Variants in DMTN observed in about 807,000 individuals in gnomAD.
DMTN encodes dematin actin binding protein, also known as dematin.
A neutral mutation model predicts 59.4 loss-of-function variants in DMTN; 27 were observed. That is an observed-to-expected ratio of 0.45 (90% CI 0.33 to 0.63). The LOEUF (loss-of-function observed/expected upper bound fraction) is 0.63, where lower values mean the gene tolerates loss of function less well. Among genes scored for constraint, DMTN ranks in the 20% least tolerant of loss-of-function variants. DMTN has a pLI of 0.02. For synonymous variants in DMTN, 221 were observed against 203.7 expected, an observed-to-expected ratio of 1.08 and a Z score of -0.72; for missense variants, 451 against 528.9, an observed-to-expected ratio of 0.85 and a Z score of 1.45.
At chr8:22,051,777 C>T (rs1426187909), upstream of DMTN, among the ~76,000 whole-genome samples, 5 of 152,140 alleles carry the variant, frequency 3.3e-5, no homozygotes, top group Admixed American at 2.0e-4. Context: ...CCACTCGCTC[C>T]CTACATCATC....
In DMTN at chr8:22,067,526, G is replaced by A; in HGVS notation, c.94-1G>A. 1 of 1,614,170 alleles carries A rather than the reference G, an allele frequency of 6.2e-7. No homozygotes were observed. Among genetic ancestry groups the A allele is most frequent in the Non-Finnish European group, 8.5e-7 (1 of 1,180,030 alleles). ...AGTTTCACGCGCACCTTTCCCTTCAGGCCAAGATGGACAATCAGGTGCTGG... is the reference window on the plus strand; with the variant it reads ...AGTTTCACGCGCACCTTTCCCTTCAAGCCAAGATGGACAATCAGGTGCTGG... On this transcript the variant is annotated splice_acceptor_variant, in intron 3 of 15. Coordinates refer to ENST00000358242, the MANE Select transcript of DMTN (RefSeq NM_001387751.1). LOFTEE classifies it high-confidence loss of function.
chr8:22,081,092 T>TGGG, intron 14 of DMTN, 21 bp from the exon 15 acceptor site: 113 of 1,546,792 alleles, frequency 7.3e-5, no homozygotes, highest in Non-Finnish European at 9.3e-5. Flanking sequence ...AGCCTAAGAT[T>TGGG]GCCCCTCCCC....
At chr8:22,052,260 C>T (rs1334296738), upstream of DMTN, among the ~76,000 whole-genome samples, 8 of 152,190 alleles carry the variant, frequency 5.3e-5, no homozygotes, top group Non-Finnish European at 1.5e-5. Context: ...TAGCAAGTGC[C>T]CCAGATGTAG....
At chr8:22,059,009 C>A (rs141237815) in intron 1 of DMTN, among the ~76,000 whole-genome samples, 1 of 152,046 alleles carries the variant, frequency 6.6e-6, no homozygotes, top group African/African-American at 2.4e-5. Context: ...TGCCCTGCAG[C>A]GCCGCACTGC....
chr8:22,066,911 G>C lies in DMTN; in HGVS notation c.18+18G>C. ...TGCAGAAGGTGCGCGGCGCCGCCCCGGGCCGGGGCCGCCGAGGGCGGGTGG... is the reference window on the plus strand; with the variant it reads ...TGCAGAAGGTGCGCGGCGCCGCCCCCGGCCGGGGCCGCCGAGGGCGGGTGG... On this transcript the variant is annotated intron_variant, in intron 2 of 15. Transcript: ENST00000358242. 2 of 1,248,522 alleles carry C rather than the reference G, an allele frequency of 1.6e-6. No individual in the cohort carries two copies. Among genetic ancestry groups the C allele is most frequent in the Non-Finnish European group, 2.0e-6 (2 of 995,782 alleles). The allele number at this position is 1,248,522 out of a possible 1,614,324, so 77.3% of individuals were successfully genotyped here. A position where few individuals can be genotyped will look rare whatever the true frequency, so the allele number is the denominator to read the frequency against.
Position 22,073,787 on chromosome 8 carries a change from A to G in DMTN, c.787A>G (p.Ile263Val), listed in dbSNP as rs773554441. ...AGAAGAGATGGAAAAGTCATTGCCG[A>G]TCCGAAGGAAAACCCGCTCTCTGCC... ...LKEEMEKSLP[I>V]RRKTRSLPDR... The change falls in exon 10 of 16, where the codon ATC (isoleucine) becomes GTC (valine). Residue 263 changes from isoleucine to valine, a missense_variant. Ile to Val is a conservative substitution (Grantham distance 29). Coordinates refer to ENST00000358242, the MANE Select transcript of DMTN (RefSeq NM_001387751.1). The G allele has an allele frequency of 6.2e-7, 1 of 1,614,132 alleles. No individual in the cohort carries two copies. The highest frequency in any genetic ancestry group is 2.2e-5 in the East Asian group (1 of 44,882).
chr8:22,054,125 G>GACACACACACACACACACACACACAC (rs1161364821), upstream of DMTN, among the ~76,000 whole-genome samples: 4 of 119,988 alleles, frequency 3.3e-5, no homozygotes, highest in South Asian at 9.1e-4. Flanking sequence ...CACACACACA[G>GACACACACACACACACACACACACAC]ACACACACAC....
chr8:22,081,212 C>T lies in DMTN; in HGVS notation c.1104+19C>T. 6.2e-7 allele frequency: 1 copy of T among 1,613,554 alleles called. No individual in the cohort carries two copies. On this transcript the variant is annotated intron_variant, in intron 15 of 15. Coordinates refer to ENST00000358242, the MANE Select transcript of DMTN (RefSeq NM_001387751.1). ...GCTTGAGGTAGGCAAGGAAGATGCCCTGGATGGGTGCGGGGCTGTCCACGG... is the reference window on the plus strand; with the variant it reads ...GCTTGAGGTAGGCAAGGAAGATGCCTTGGATGGGTGCGGGGCTGTCCACGG...
rs1275184802 is a variant in DMTN, at chr8:22,058,204, T to C, written c.-172+1068T>C. 6.6e-6 allele frequency among the ~76,000 whole-genome samples: 1 copy of C among 152,078 alleles called. No homozygotes were observed. Among genetic ancestry groups the C allele is most frequent in the Non-Finnish European group, 1.5e-5 (1 of 68,018 alleles). ...TTCTGCCTGTGCCCACCTGTCCATC[T>C]TGTGTCCGTGCTGCCGGCCTCTCTG... is the stretch of plus-strand genomic sequence containing the variant. On this transcript the variant is annotated intron_variant, in intron 1 of 15. Coordinates refer to ENST00000358242, the MANE Select transcript of DMTN (RefSeq NM_001387751.1). The surrounding 1 kb of genome is among the most constrained non-coding windows in gnomAD (Gnocchi z 4.3).
At chr8:22,066,623 C>A in intron 1 of DMTN, 82 bp from the exon 2 acceptor site, 1 of 346,556 alleles carries the variant, frequency 2.9e-6, no homozygotes, top group Non-Finnish European at 5.2e-6. Flanking sequence ...GCAAGGGGCC[C>A]GGCTGCCTGG....
Position 22,066,784 on chromosome 8 carries a change from A to C in DMTN, c.-92A>C. On this transcript the variant is annotated 5_prime_UTR_variant, in exon 2 of 16. Transcript: ENST00000358242. Reference sequence around the variant, plus strand: ...GCTGCTTTCGCGGCCCCAAGCGCGCAGCGCCCAGCAGCCGCGCCGAGCCTG... The same window carrying C: ...GCTGCTTTCGCGGCCCCAAGCGCGCCGCGCCCAGCAGCCGCGCCGAGCCTG... 7.5e-7 allele frequency: 1 copy of C among 1,337,100 alleles called. No individual in the cohort carries two copies. The highest frequency in any genetic ancestry group is 9.7e-7 in the Non-Finnish European group (1 of 1,026,658). The allele number at this position is 1,337,100 out of a possible 1,614,324, so 82.8% of individuals were successfully genotyped here.
intron 10 of DMTN, among the ~76,000 whole-genome samples, chr8:22,078,814 T>TTTTTTTTG (rs1821713052): frequency 1.4e-5 from 2 of 143,674 alleles, no homozygotes; most frequent in African/African-American, 5.2e-5. Flanking sequence ...TTTTTTTTTT[T>TTTTTTTTG]GAGATGGAGT....
At chr8:22,068,543 G>A (rs1812596514) in intron 4 of DMTN, among the ~76,000 whole-genome samples, 1 of 152,068 alleles carries the variant, frequency 6.6e-6, no homozygotes, top group Non-Finnish European at 1.5e-5. Flanking sequence ...ATTTAGGCTG[G>A]GCAACAGAGT....
In DMTN at chr8:22,073,644, A is replaced by G. The variant is rs1817473836; in HGVS notation, c.730-86A>G. 6 of 738,556 alleles carry G rather than the reference A, an allele frequency of 8.1e-6. No homozygotes were observed. The East Asian group carries it at 9.7e-5, about 12-fold the overall frequency. The allele number at this position is 738,556 out of a possible 1,614,324, so 45.8% of individuals were successfully genotyped here. On this transcript the variant is annotated intron_variant, in intron 9 of 15. Coordinates refer to ENST00000358242, the MANE Select transcript of DMTN (RefSeq NM_001387751.1). ...AGACCCTGTCTCAAAAAAAAAAAAA[A>G]AAAAAAAAGAAAGAAAAAAAAAAAG... is the stretch of plus-strand genomic sequence containing the variant.
chr8:22,081,346 G>C lies in DMTN; in HGVS notation c.1105-4G>C. 6.2e-7 allele frequency: 1 copy of C among 1,613,804 alleles called. No individual in the cohort carries two copies. The highest frequency in any genetic ancestry group is 8.5e-7 in the Non-Finnish European group (1 of 1,179,742). On this transcript the variant is annotated splice_region_variant and splice_polypyrimidine_tract_variant and intron_variant, in intron 15 of 15. Transcript: ENST00000358242. The stretch of plus-strand genomic sequence containing the variant: ...TGCTGAGCTGCCCCGATTCCCCCAT[G>C]TAGAGGCATCTGTCTGCCGAGGACT...
At chr8:22,055,782 A>G (rs1361573640), upstream of DMTN, among the ~76,000 whole-genome samples, 1 of 151,894 alleles carries the variant, frequency 6.6e-6, no homozygotes, top group African/African-American at 2.4e-5. Flanking sequence ...CCCACCAGCC[A>G]GATACTTTCT....
rs1378634026 is a variant in DMTN at position 22,066,854 on chromosome 8, C to T, written c.-22C>T. 5.7e-6 allele frequency: 8 copies of T among 1,412,670 alleles called. No homozygotes were observed. The Admixed American group carries it at 8.1e-5, about 14-fold the overall frequency. The allele number at this position is 1,412,670 out of a possible 1,614,324, so 87.5% of individuals were successfully genotyped here. ...CGCGCACAGGGCTCTGCGAGTGACC[C>T]GGCGGGCGAGCTCCGTGCTGCATGG... On this transcript the variant is annotated 5_prime_UTR_variant, in exon 2 of 16. Transcript: ENST00000358242.
At chr8:22,059,015 A>T (rs62493962) in intron 1 of DMTN, among the ~76,000 whole-genome samples, 2,025 of 152,076 alleles carry the variant, frequency 0.013, 22 homozygotes, top group Admixed American at 0.021. Flanking sequence ...GCAGCGCCGC[A>T]CTGCTCCACC....
intron 6 of DMTN, 56 bp from the exon 7 acceptor site, chr8:22,069,825 C>T (rs376568100): frequency 6.9e-6 from 11 of 1,587,344 alleles, no homozygotes; most frequent in Non-Finnish European, 6.1e-6. Flanking sequence ...ATTCTCCTGG[C>T]CCCAGCCTCC....
Sources: gnomAD v4.1 joint callset for allele counts (sites outside exome capture counted in the v4.1 genomes callset) on GRCh38, gnomAD v4.1.1 for gene constraint, Gnocchi (gnomAD v3.1) non-coding constraint, MANE v1.5 for transcripts, NCBI Gene and HGNC (gene_info 2026-07-23, HGNC 2026-07-21) for gene names.